The following MCM3AP variants were observed in gnomAD, a reference collection of about 807,000 sequenced individuals.
MCM3AP encodes minichromosome maintenance complex component 3 associated protein, also known as germinal-center associated nuclear protein.
A neutral mutation model predicts 184.1 loss-of-function variants in MCM3AP; 126 were observed. The ratio of observed to expected loss-of-function variants is 0.68; its 90% confidence interval spans 0.59 to 0.79. MCM3AP has a LOEUF of 0.79. Ranked by LOEUF, MCM3AP falls within the 30% of genes least tolerant of loss-of-function variation. The pLI is 0.00. For missense variants in MCM3AP, 2,496 were observed against 2,479.2 expected (o/e 1.01, Z -0.14); for synonymous variants, 1,002 against 979.3 (o/e 1.02, Z -0.43).
In MCM3AP at chr21:46,265,927, A is replaced by G; in HGVS notation, c.3029T>C (p.Val1010Ala). The G allele has an allele frequency of 6.4e-7, 1 of 1,565,940 alleles. No individual in the cohort carries two copies. The highest frequency in any genetic ancestry group is 1.2e-5 in the South Asian group (1 of 81,974). ...VSTQRPGSDTVGGGRGEECGV... is the reference protein window; with the variant it reads ...VSTQRPGSDTAGGGRGEECGV... ...ACTACGACTGCAGCTTCACTCACCC[A>G]CTGTGTCGGAGCCGGGTCTCTGGGT... Residue 1010 changes from valine (V) to alanine (A), a missense_variant and splice_region_variant, in exon 11 of 28, where the codon GTG (valine) becomes GCG (alanine). Transcript: ENST00000291688.
At position 46,284,886 on chromosome 21, in the gene MCM3AP, A is replaced by G; in HGVS notation, c.401T>C (p.Ile134Thr). 6.2e-7 allele frequency: 1 copy of G among 1,614,206 alleles called. No homozygotes were observed. The highest frequency in any genetic ancestry group is 8.5e-7 in the Non-Finnish European group (1 of 1,180,038). ...TSAFGQEAGE[I>T]VNSGFGKTEF... ...TGTTTTCCCAAAACCAGAGTTCACT[A>G]TTTCTCCAGCTTCTTGTCCAAAAGC... Residue 134 changes from isoleucine (I) to threonine (T), a missense_variant, in exon 1 of 28, where the codon ATA (isoleucine) becomes ACA (threonine). By Grantham distance (89) the Ile-to-Thr change is moderately conservative. Transcript: ENST00000291688.
At chr21:46,263,176 A>G (rs1258058124) in intron 13 of MCM3AP, among the ~76,000 whole-genome samples, 1 of 151,396 alleles carries the variant, frequency 6.6e-6, no homozygotes, top group Admixed American at 6.6e-5. Flanking sequence ...TAAAAATACA[A>G]AAAATTAGCC....
chr21:46,256,168 C>T (rs1461426704), intron 17 of MCM3AP, among the ~76,000 whole-genome samples: 1 of 152,014 alleles, frequency 6.6e-6, no homozygotes, highest in Non-Finnish European at 1.5e-5. Context: ...GAGGTGGCAC[C>T]TACATGGGTT....
chr21:46,261,251 A>G, intron 14 of MCM3AP, 29 bp downstream of exon 14: 1 of 1,612,666 alleles, frequency 6.2e-7, no homozygotes, highest in African/African-American at 1.3e-5. Context: ...TGAGCTCCTT[A>G]TTCGGCTGCA....
Position 46,275,180 on chromosome 21 carries a change from C to A in MCM3AP, c.1998+6G>T, listed in dbSNP as rs1383428402. 6.2e-7 allele frequency: 1 copy of A among 1,611,594 alleles called. No individual in the cohort carries two copies. Among genetic ancestry groups the A allele is most frequent in the African/African-American group, 1.3e-5 (1 of 74,924 alleles). ...CCACACTCCACGGGGAGATGCAGGG[C>A]TCTACCTGGTCAGTCCCTGGGACCA... On this transcript the variant is annotated splice_donor_region_variant and intron_variant, in intron 6 of 27. Transcript: ENST00000291688.
At chr21:46,242,464 A>T (rs2080684411) in intron 25 of MCM3AP, 1 of 167,944 alleles carries the variant, frequency 6.0e-6, no homozygotes, top group Non-Finnish European at 1.3e-5. Flanking sequence ...TTACATTAAT[A>T]GATTTTCACT....
chr21:46,280,198 T>G, intron 3 of MCM3AP, 61 bp from the exon 4 acceptor site: 1 of 1,499,634 alleles, frequency 6.7e-7, no homozygotes, highest in African/African-American at 1.4e-5. Flanking sequence ...AACTGGATTT[T>G]TTCACTCTGT....
rs1316229200 is a variant in MCM3AP, at chr21:46,243,792, T to C, written c.5039-70A>G. 7 of 1,509,118 alleles carry C rather than the reference T, an allele frequency of 4.6e-6. No homozygotes were observed. The African/African-American group carries it at 6.9e-5, about 15-fold the overall frequency. The allele number at this position is 1,509,118 out of a possible 1,614,324, so 93.5% of individuals were successfully genotyped here. A position where few individuals can be genotyped will look rare whatever the true frequency, so the allele number is the denominator to read the frequency against. ...AGGTGAAAATGTACATGAAAACATT[T>C]TCTCAGGAGAAGGCAACTGTGAAGT... On this transcript the variant is annotated intron_variant, in intron 23 of 27. Coordinates refer to ENST00000291688, the MANE Select transcript of MCM3AP (RefSeq NM_003906.5).
chr21:46,244,627 TG>T, intron 23 of MCM3AP, 179 bp downstream of exon 23: 1 of 670,906 alleles, frequency 1.5e-6, no homozygotes, highest in Non-Finnish European at 2.5e-6. Flanking sequence ...CAGCTTGTTC[TG>T]GCTCATGAAC....
chr21:46,273,989 C>T (rs1289217794), intron 6 of MCM3AP, among the ~76,000 whole-genome samples: 2 of 152,232 alleles, frequency 1.3e-5, no homozygotes, highest in Non-Finnish European at 2.9e-5. Flanking sequence ...GCTGAGGACA[C>T]AGCATCAGGG....
Position 46,258,936 on chromosome 21 carries a change from C to G in MCM3AP, c.3734+3G>C, listed in dbSNP as rs749601141. 1 of 1,614,086 alleles carries G rather than the reference C, an allele frequency of 6.2e-7. No homozygotes were observed. The highest frequency in any genetic ancestry group is 8.5e-7 in the Non-Finnish European group (1 of 1,179,994). On this transcript the variant is annotated splice_donor_region_variant and intron_variant, in intron 16 of 27. Coordinates refer to ENST00000291688, the MANE Select transcript of MCM3AP (RefSeq NM_003906.5). ...ATTTTGCCTGTAGGAACACAGGACT[C>G]ACCGCTGTAGATACTTGCAGAAGCA...
rs1259866483 is a variant in MCM3AP, at chr21:46,273,480, C to A, written c.2104G>T (p.Asp702Tyr). Residue 702 changes from aspartate (D) to tyrosine (Y), a missense_variant, in exon 7 of 28, where the codon GAC becomes TAC. Coordinates refer to ENST00000291688, the MANE Select transcript of MCM3AP (RefSeq NM_003906.5). ...RPLPVLSRTMDYLVTQIMDQK... is the reference protein window; with the variant it reads ...RPLPVLSRTMYYLVTQIMDQK... ...TCCATGATCTGGGTCACCAGGTAGT[C>A]CATGGTCCTGCTGAGCACTGGCAAG... The A allele has an allele frequency of 1.2e-6, 2 of 1,613,924 alleles. No individual in the cohort carries two copies. Among genetic ancestry groups the A allele is most frequent in the Non-Finnish European group, 1.7e-6 (2 of 1,179,814 alleles).
At chr21:46,253,338 C>T (rs2089981317) in intron 19 of MCM3AP, 1 of 152,148 alleles carries the variant, frequency 6.6e-6, no homozygotes, top group Admixed American at 6.5e-5. Flanking sequence ...TATCAATGTA[C>T]CTTAACACAG....
intron 24 of MCM3AP, 42 bp from the exon 25 acceptor site, chr21:46,242,973 C>T: frequency 6.8e-7 from 1 of 1,477,776 alleles, no homozygotes; most frequent in East Asian, 2.4e-5. Context: ...GCCAGCCTGG[C>T]CAACCCTGTC....
intron 6 of MCM3AP, among the ~76,000 whole-genome samples, chr21:46,274,414 T>C (rs8127520): frequency 0.011 from 1,692 of 152,260 alleles, 34 homozygotes; most frequent in African/African-American, 0.039. Context: ...CTAATAGAAC[T>C]AAAAATTTAG....
At chr21:46,256,515 G>A (rs1367371649) in intron 17 of MCM3AP, 1 of 497,794 alleles carries the variant, frequency 2.0e-6, no homozygotes, top group East Asian at 3.3e-5. Context: ...AAAAGAACAC[G>A]TGATGCAGAG....
intron 13 of MCM3AP, among the ~76,000 whole-genome samples, chr21:46,263,670 C>T (rs1198194626): frequency 6.7e-6 from 1 of 148,312 alleles, no homozygotes; most frequent in Non-Finnish European, 1.5e-5. Context: ...ATCTCAGCTA[C>T]TCGGGAAGCT....
rs754105169 is a variant in MCM3AP, at chr21:46,272,760, T to C, written c.2266A>G (p.Ile756Val). 7 of 1,613,774 alleles carry C rather than the reference T, an allele frequency of 4.3e-6. No individual in the cohort carries two copies. The highest frequency in any genetic ancestry group is 1.3e-5 in the African/African-American group (1 of 74,898). Residue 756 changes from isoleucine (I) to valine (V), a missense_variant, in exon 8 of 28, where the codon ATC becomes GTC. By Grantham distance (29) the Ile-to-Val change is conservative (BLOSUM62 3). Transcript: ENST00000291688. ...SLIEKCTRFH[I>V]HCAHFMCEEP... ...TCACACATGAAGTGGGCACAGTGGA[T>C]GTGAAACCGGGTGCACTTCTCAATC...
chr21:46,275,546 A>G (rs2081245221), intron 5 of MCM3AP, among the ~76,000 whole-genome samples: 1 of 152,102 alleles, frequency 6.6e-6, no homozygotes, highest in South Asian at 2.1e-4. Context: ...ACCCGAGTCC[A>G]CCTCTCTCTA....
Sources: gnomAD v4.1 joint callset for allele counts (sites outside exome capture counted in the v4.1 genomes callset) on GRCh38, gnomAD v4.1.1 for gene constraint, MANE v1.5 for transcripts, NCBI Gene and HGNC (gene_info 2026-07-23, HGNC 2026-07-21) for gene names.